Variants in DTNB observed in about 807,000 individuals in gnomAD.
The protein encoded by DTNB is dystrobrevin beta, also known as DTN-B.
In DTNB, 63 loss-of-function variants were observed where a neutral mutation model predicts 90.7. The observed-to-expected ratio is 0.69, with a 90% confidence interval of 0.57 to 0.86. The LOEUF (loss-of-function observed/expected upper bound fraction) is 0.86, where lower values mean the gene tolerates loss of function less well. Among genes scored for constraint, DTNB ranks in the 40% least tolerant of loss-of-function variants. The pLI is 0.00. For synonymous variants in DTNB, 277 were observed against 286.7 expected (o/e 0.97, Z 0.34); for missense variants, 744 against 807.1 (o/e 0.92, Z 0.95).
At chr2:25,381,009 C>A (rs562941739) in intron 19 of DTNB, among the ~76,000 whole-genome samples, 8 of 152,328 alleles carry the variant, frequency 5.3e-5, no homozygotes, top group Non-Finnish European at 7.4e-5. Context: ...GTGGCCAGGG[C>A]AAGGCCTCAG....
chr2:25,569,556 C>T (rs1165842486), intron 8 of DTNB, among the ~76,000 whole-genome samples: 2 of 152,188 alleles, frequency 1.3e-5, no homozygotes, highest in African/African-American at 4.8e-5. Context: ...CTGCACACTC[C>T]GCAGAGAGCA....
rs762937341 is a variant in DTNB at position 25,388,246 on chromosome 2, G to A, written c.1691C>T (p.Ser564Leu). The A allele has an allele frequency of 1.2e-5, 20 of 1,604,970 alleles. No homozygotes were observed. Among genetic ancestry groups the A allele is most frequent in the South Asian group, 4.5e-5 (4 of 89,464 alleles). ...GSTPTHCPQD[S>L]LSGVGGDVQE... The stretch of plus-strand genomic sequence containing the variant: ...CACGTCTCCCCCGACTCCGCTCAGC[G>A]AGTCCTGCGGACAGTGGGTGGGGGT... Residue 564 changes from serine to leucine, a missense_variant, in exon 17 of 21, where the codon TCG becomes TTG. Coordinates refer to ENST00000406818, the MANE Select transcript of DTNB (RefSeq NM_021907.5).
intron 4 of DTNB, among the ~76,000 whole-genome samples, chr2:25,611,025 T>C (rs925085593): frequency 1.3e-5 from 2 of 152,216 alleles, no homozygotes; most frequent in African/African-American, 4.8e-5. Context: ...ACATCTATCC[T>C]GACTTCTAGT....
At chr2:25,657,942 A>C (rs1231035083) in intron 1 of DTNB, among the ~76,000 whole-genome samples, 2 of 152,142 alleles carry the variant, frequency 1.3e-5, no homozygotes, top group African/African-American at 4.8e-5. Context: ...TAGTTAAAAT[A>C]AAAAACAACT....
chr2:25,536,612 G>C (rs1426047158), intron 8 of DTNB, among the ~76,000 whole-genome samples: 1 of 152,020 alleles, frequency 6.6e-6, no homozygotes, highest in Non-Finnish European at 1.5e-5. Context: ...CGAGGCAAGA[G>C]AATCACCGGA....
intron 12 of DTNB, among the ~76,000 whole-genome samples, chr2:25,450,382 C>G (rs1337361278): frequency 6.6e-6 from 1 of 152,116 alleles, no homozygotes; most frequent in African/African-American, 2.4e-5. Flanking sequence ...TTTATGGATA[C>G]TCTATTCTGT....
At chr2:25,546,840 ATTCTTTTTTTTTTT>A (rs2082531041) in intron 8 of DTNB, among the ~76,000 whole-genome samples, 1 of 150,884 alleles carries the variant, frequency 6.6e-6, no homozygotes, top group African/African-American at 2.4e-5. Context: ...TAGATCTTCT[ATTCTTTTTTTTTTT>A]TTCTTTTTGG....
chr2:25,517,710 G>T (rs535699284), intron 9 of DTNB, among the ~76,000 whole-genome samples: 1 of 152,146 alleles, frequency 6.6e-6, no homozygotes, highest in Non-Finnish European at 1.5e-5. Flanking sequence ...TGAAAGCAGG[G>T]TTTCCAAGAG....
At chr2:25,634,066 G>A (rs942355974) in intron 3 of DTNB, among the ~76,000 whole-genome samples, 2 of 152,004 alleles carry the variant, frequency 1.3e-5, no homozygotes, top group Non-Finnish European at 2.9e-5. Context: ...CAGCCAGGAG[G>A]GAGGTGGGGG....
At chr2:25,569,977 A>G (rs1176772147) in intron 8 of DTNB, among the ~76,000 whole-genome samples, 5 of 152,030 alleles carry the variant, frequency 3.3e-5, no homozygotes, top group African/African-American at 1.2e-4. Context: ...GGCGCCTGTA[A>G]TCCCAGCTAC....
chr2:25,477,267 G>A (rs1295323609), intron 10 of DTNB, among the ~76,000 whole-genome samples: 4 of 152,172 alleles, frequency 2.6e-5, no homozygotes, highest in African/African-American at 9.7e-5. Context: ...GTTTGTATAA[G>A]TCACTTGATT....
At chr2:25,622,936 T>C (rs2073135424) in intron 4 of DTNB, among the ~76,000 whole-genome samples, 2 of 151,734 alleles carry the variant, frequency 1.3e-5, no homozygotes, top group South Asian at 4.2e-4. Flanking sequence ...AAATAACAGA[T>C]GGAATAAACA....
chr2:25,463,263 A>T (rs573283067), intron 10 of DTNB, among the ~76,000 whole-genome samples: 101 of 152,248 alleles, frequency 6.6e-4, no homozygotes, highest in African/African-American at 2.4e-3. Flanking sequence ...TCAGGCCAAA[A>T]CCAGAGGGGT....
chr2:25,486,632 C>CAA (rs57903531), intron 9 of DTNB, among the ~76,000 whole-genome samples: 73 of 92,326 alleles, frequency 7.9e-4, no homozygotes, highest in Admixed American at 1.0e-3. Flanking sequence ...GACCCTGTCT[C>CAA]AAAAAAAAAA....
chr2:25,629,134 C>T (rs755382469), intron 3 of DTNB, among the ~76,000 whole-genome samples: 1 of 152,114 alleles, frequency 6.6e-6, no homozygotes, highest in African/African-American at 2.4e-5. Context: ...AAGAATGATG[C>T]CTGACTTCAA....
At chr2:25,544,502 T>A (rs1227721588) in intron 8 of DTNB, among the ~76,000 whole-genome samples, 1 of 152,116 alleles carries the variant, frequency 6.6e-6, no homozygotes, top group African/African-American at 2.4e-5. Context: ...TCACTTCCAA[T>A]TACTCTCTCT....
intron 16 of DTNB, among the ~76,000 whole-genome samples, chr2:25,390,066 A>G (rs1425159171): frequency 6.6e-6 from 1 of 152,160 alleles, no homozygotes; most frequent in African/African-American, 2.4e-5. Context: ...TCCTCCCTTC[A>G]GAGGCAACCC....
intron 16 of DTNB, among the ~76,000 whole-genome samples, chr2:25,391,252 G>C (rs936322126): frequency 5.3e-5 from 8 of 152,074 alleles, no homozygotes; most frequent in Admixed American, 5.2e-4. Flanking sequence ...AGAAAAACTA[G>C]ATACATTGAA....
intron 2 of DTNB, among the ~76,000 whole-genome samples, chr2:25,642,197 G>A (rs924007870): frequency 1.3e-5 from 2 of 152,052 alleles, no homozygotes; most frequent in Admixed American, 1.3e-4. Context: ...GCCTGTGCAC[G>A]TGTGTGTGTA....
Sources: gnomAD v4.1 joint callset for allele counts (sites outside exome capture counted in the v4.1 genomes callset) on GRCh38, gnomAD v4.1.1 for gene constraint, MANE v1.5 for transcripts, NCBI Gene and HGNC (gene_info 2026-07-23, HGNC 2026-07-21) for gene names.